BLNK: variants seen among roughly 807,000 people sequenced by gnomAD.
The protein encoded by BLNK is B-cell linker protein.
BLNK carries 29 observed loss-of-function variants against 73.5 expected under a neutral mutation model. The observed-to-expected ratio is 0.39, with a 90% CI of 0.29 to 0.54. The LOEUF (loss-of-function observed/expected upper bound fraction) is 0.54, where lower values mean the gene tolerates loss of function less well. BLNK is among the 20% of genes least tolerant of loss of function. BLNK has a pLI of 0.61. For missense variants in BLNK, 460 were observed against 562.8 expected (o/e 0.82, Z 1.85); for synonymous variants, 176 against 200.8 (o/e 0.88, Z 1.04).
At chr10:96,208,136 A>C (rs1385570237) in intron 9 of BLNK, among the ~76,000 whole-genome samples, 1 of 152,184 alleles carries the variant, frequency 6.6e-6, no homozygotes, top group East Asian at 1.9e-4. Flanking sequence ...GTAGGGCACC[A>C]GTCCGGCAGA....
At chr10:96,227,285 G>C (rs1183259256) in intron 5 of BLNK, 125 bp downstream of exon 5, 28 of 1,287,292 alleles carry the variant, frequency 2.2e-5, no homozygotes, top group Non-Finnish European at 2.8e-5. Flanking sequence ...TGGAGGTGGC[G>C]GGAGCGGGCG....
At chr10:96,247,093 G>T in intron 1 of BLNK, 44 bp from the exon 2 acceptor site, 2 of 1,430,002 alleles carry the variant, frequency 1.4e-6, no homozygotes, top group South Asian at 1.3e-5. Context: ...TAACCAGTCT[G>T]ACTTTTTAAA....
intron 4 of BLNK, among the ~76,000 whole-genome samples, chr10:96,229,594 C>T (rs1169635902): frequency 6.6e-6 from 1 of 151,746 alleles, no homozygotes; most frequent in Non-Finnish European, 1.5e-5. Flanking sequence ...AGCCAGCTTG[C>T]TCAGTTTTCT....
intron 6 of BLNK, among the ~76,000 whole-genome samples, chr10:96,217,277 A>C (rs2084089966): frequency 6.6e-6 from 1 of 152,180 alleles, no homozygotes. Context: ...TGTCATGACT[A>C]TTCATGTACA....
At chr10:96,250,412 G>GA (rs1843232243) in intron 1 of BLNK, among the ~76,000 whole-genome samples, 2 of 132,540 alleles carry the variant, frequency 1.5e-5, no homozygotes, top group African/African-American at 5.0e-5. Flanking sequence ...CAGAGAGAGA[G>GA]GGGGAGAGAG....
chr10:96,200,007 G>A lies in BLNK; in HGVS notation c.1095+68C>T. 8.6e-7 allele frequency: 1 copy of A among 1,159,998 alleles called. No homozygotes were observed. Among genetic ancestry groups the A allele is most frequent in the Non-Finnish European group, 1.1e-6 (1 of 890,290 alleles). The allele number at this position is 1,159,998 out of a possible 1,614,324, so 71.9% of individuals were successfully genotyped here. On this transcript the variant is annotated intron_variant, in intron 15 of 16. Coordinates refer to ENST00000224337, the MANE Select transcript of BLNK (RefSeq NM_013314.4). The surrounding 1 kb of genome is among the most constrained non-coding windows in gnomAD (Gnocchi z 4.3). ...CGAGCCACTGCACTCCAGTGAAACT[G>A]CATCATCTCAAAACAAATAAATAAA...
intron 13 of BLNK, among the ~76,000 whole-genome samples, chr10:96,201,599 T>G (rs1023757182): frequency 7.9e-5 from 12 of 152,238 alleles, no homozygotes; most frequent in Admixed American, 7.9e-4. Flanking sequence ...CAAAGCTCTT[T>G]GGGTCTACAA....
In BLNK at chr10:96,191,966, T is replaced by C. The variant is rs200396708; in HGVS notation, c.*7A>G. 94 of 1,613,574 alleles carry C rather than the reference T, an allele frequency of 5.8e-5. No homozygotes were observed. Among genetic ancestry groups the C allele is most frequent in the East Asian group, 1.1e-4 (5 of 44,800 alleles). On this transcript the variant is annotated 3_prime_UTR_variant, in exon 17 of 17. Coordinates refer to ENST00000224337, the MANE Select transcript of BLNK (RefSeq NM_013314.4). ...GAAGCAATGGTATTGATCTTTTTTT[T>C]CCCCCTTTATGAAACTTTAACTGCA...
At chr10:96,248,304 A>G (rs1226416842) in intron 1 of BLNK, among the ~76,000 whole-genome samples, 1 of 152,266 alleles carries the variant, frequency 6.6e-6, no homozygotes, top group Non-Finnish European at 1.5e-5. Context: ...CAGTAAGAAA[A>G]AGAGAAATAG....
intron 1 of BLNK, among the ~76,000 whole-genome samples, chr10:96,267,990 T>C (rs1356108508): frequency 1.3e-5 from 2 of 152,320 alleles, no homozygotes; most frequent in East Asian, 3.9e-4. Flanking sequence ...ATCTTTATCT[T>C]ACAGGTGAGG....
chr10:96,232,801 CTTTT>C (rs1842553955), intron 3 of BLNK, among the ~76,000 whole-genome samples: 1 of 144,116 alleles, frequency 6.9e-6, no homozygotes, highest in Non-Finnish European at 1.5e-5. Context: ...GAGTATGTTT[CTTTT>C]TCTTTTCTAG....
chr10:96,208,250 A>T (rs2083868312), intron 9 of BLNK, among the ~76,000 whole-genome samples: 1 of 152,082 alleles, frequency 6.6e-6, no homozygotes, highest in Non-Finnish European at 1.5e-5. Context: ...GAGGACCAGG[A>T]TCAGTATTTT....
At chr10:96,195,733 A>G (rs1404162440) in intron 16 of BLNK, among the ~76,000 whole-genome samples, 2 of 152,252 alleles carry the variant, frequency 1.3e-5, no homozygotes, top group South Asian at 2.1e-4. Context: ...CTGTTTCACA[A>G]CAATGTAAAT....
intron 1 of BLNK, among the ~76,000 whole-genome samples, chr10:96,267,156 G>A (rs369381862): frequency 3.7e-4 from 56 of 152,328 alleles, no homozygotes; most frequent in African/African-American, 1.1e-3. Context: ...GTCAAATGTG[G>A]TCTCTGTGCT....
chr10:96,257,029 A>G (rs1161615694), intron 1 of BLNK, among the ~76,000 whole-genome samples: 1 of 152,068 alleles, frequency 6.6e-6, no homozygotes, highest in Non-Finnish European at 1.5e-5. Context: ...AGTCACATCA[A>G]AAGGGTGAGG....
At chr10:96,242,918 C>A in intron 2 of BLNK, 134 bp from the exon 3 acceptor site, 2 of 802,996 alleles carry the variant, frequency 2.5e-6, no homozygotes, top group East Asian at 2.5e-5. Context: ...AATCAATGGA[C>A]AGATTTGATG....
intron 3 of BLNK, among the ~76,000 whole-genome samples, chr10:96,235,073 C>T (rs1166548003): frequency 1.3e-5 from 2 of 152,216 alleles, no homozygotes; most frequent in Admixed American, 6.5e-5. Context: ...GTAGCCCTCC[C>T]CAGCCTGTGG....
chr10:96,215,642 G>GAGA (rs1838667381), intron 7 of BLNK, among the ~76,000 whole-genome samples: 1 of 152,178 alleles, frequency 6.6e-6, no homozygotes, highest in Admixed American at 6.5e-5. Flanking sequence ...TTTGATGATA[G>GAGA]AGATCTTGTT....
intron 9 of BLNK, among the ~76,000 whole-genome samples, chr10:96,208,851 T>A (rs1244760869): frequency 2.0e-5 from 3 of 152,140 alleles, no homozygotes; most frequent in African/African-American, 7.2e-5. Context: ...AGAGACGAAG[T>A]AGTTTGCCCA....
Sources: allele counts gnomAD v4.1 joint callset (sites outside exome capture counted in the v4.1 genomes callset), GRCh38; gene constraint gnomAD v4.1.1; non-coding constraint Gnocchi (gnomAD v3.1); transcripts MANE v1.5; gene names NCBI Gene and HGNC (gene_info 2026-07-23, HGNC 2026-07-21).